The following EFNA5 variants were observed in gnomAD, a reference collection of about 807,000 sequenced individuals.
EFNA5 encodes the protein ephrin-A5.
Under a neutral mutation model 22.9 loss-of-function variants are expected in EFNA5, and 5 were observed. The observed-to-expected ratio is 0.22, with a 90% CI of 0.11 to 0.46. The LOEUF (loss-of-function observed/expected upper bound fraction) is 0.46. EFNA5 is among the 20% of genes least tolerant of loss of function. The probability of loss-of-function intolerance (pLI) is 0.99; values close to 1 mark genes in which losing one functional copy is unlikely to be tolerated. For synonymous variants in EFNA5, 113 were observed against 112.2 expected, an observed-to-expected ratio of 1.01 and a Z score of -0.04; for missense variants, 237 against 293.3, an observed-to-expected ratio of 0.81 and a Z score of 1.40.
At chr5:107,508,087 T>C (rs1747288968) in intron 1 of EFNA5, among the ~76,000 whole-genome samples, 1 of 152,154 alleles carries the variant, frequency 6.6e-6, no homozygotes, top group Non-Finnish European at 1.5e-5. Context: ...ACCCAAAAGT[T>C]TCTCCCATCA....
At chr5:107,581,739 G>A (rs978464407) in intron 1 of EFNA5, among the ~76,000 whole-genome samples, 1 of 152,182 alleles carries the variant, frequency 6.6e-6, no homozygotes, top group Non-Finnish European at 1.5e-5. Context: ...AATGGGAACA[G>A]GGAGTAGAAT....
At chr5:107,638,529 T>A (rs1412220985) in intron 1 of EFNA5, among the ~76,000 whole-genome samples, 1 of 152,084 alleles carries the variant, frequency 6.6e-6, no homozygotes, top group Non-Finnish European at 1.5e-5. Context: ...TTTAAAAAAG[T>A]AAGATATAAC....
At chr5:107,457,048 C>A (rs192152015) in intron 1 of EFNA5, among the ~76,000 whole-genome samples, 1 of 152,152 alleles carries the variant, frequency 6.6e-6, no homozygotes, top group Non-Finnish European at 1.5e-5. Context: ...CCAAGATTAG[C>A]TGGGCCCACA....
At chr5:107,609,464 G>A (rs1292003041) in intron 1 of EFNA5, among the ~76,000 whole-genome samples, 1 of 151,914 alleles carries the variant, frequency 6.6e-6, no homozygotes, top group Non-Finnish European at 1.5e-5. Flanking sequence ...TAACATTAGC[G>A]GCAGGAGTAG....
intron 1 of EFNA5, among the ~76,000 whole-genome samples, chr5:107,603,602 T>C (rs1280550267): frequency 6.6e-6 from 1 of 152,206 alleles, no homozygotes; most frequent in African/African-American, 2.4e-5. Flanking sequence ...TCCAACAACA[T>C]AAAAAACATT....
chr5:107,548,684 G>T (rs1337184463), intron 1 of EFNA5, among the ~76,000 whole-genome samples: 2 of 152,210 alleles, frequency 1.3e-5, no homozygotes, highest in Non-Finnish European at 2.9e-5. Flanking sequence ...CTGATGCTGA[G>T]TATCTGTTGT....
chr5:107,387,389 C>T, intron 3 of EFNA5, 74 bp from the exon 4 acceptor site: 1 of 997,100 alleles, frequency 1.0e-6, no homozygotes. Context: ...TTTCTTTTTT[C>T]TTTCTCTCCT....
At chr5:107,644,981 G>A (rs1030195257) in intron 1 of EFNA5, among the ~76,000 whole-genome samples, 11 of 152,168 alleles carry the variant, frequency 7.2e-5, no homozygotes, top group South Asian at 2.1e-4. Flanking sequence ...GATTACAGGC[G>A]TGAGCCACCA....
chr5:107,670,392 G>T, intron 1 of EFNA5, 97 bp downstream of exon 1: 1 of 1,405,022 alleles, frequency 7.1e-7, no homozygotes, highest in Non-Finnish European at 9.3e-7. Context: ...GAGGGTGCGC[G>T]CCGCCAGCGG....
At chr5:107,503,641 T>G (rs909535904) in intron 1 of EFNA5, among the ~76,000 whole-genome samples, 1 of 152,206 alleles carries the variant, frequency 6.6e-6, no homozygotes, top group Non-Finnish European at 1.5e-5. Context: ...TCATGAAGCT[T>G]TAAAAGTAAA....
chr5:107,537,722 T>A (rs925614174), intron 1 of EFNA5, among the ~76,000 whole-genome samples: 3 of 152,220 alleles, frequency 2.0e-5, no homozygotes, highest in Admixed American at 2.0e-4. Flanking sequence ...GAGTGCTTTT[T>A]TTAGCTCACA....
intron 1 of EFNA5, among the ~76,000 whole-genome samples, chr5:107,555,999 A>C (rs1561431827): frequency 6.6e-6 from 1 of 152,216 alleles, no homozygotes; most frequent in Admixed American, 6.5e-5. Flanking sequence ...GCTGCTGGAC[A>C]CATTCATGAT....
intron 1 of EFNA5, among the ~76,000 whole-genome samples, chr5:107,504,126 G>C (rs985331134): frequency 5.3e-5 from 8 of 152,084 alleles, no homozygotes; most frequent in Non-Finnish European, 1.0e-4. Context: ...AAGGAACTCT[G>C]CCATGCAGAG....
chr5:107,407,543 A>G (rs1054129702), intron 2 of EFNA5, among the ~76,000 whole-genome samples: 1 of 152,238 alleles, frequency 6.6e-6, no homozygotes, highest in African/African-American at 2.4e-5. Flanking sequence ...ACACTTATCA[A>G]AAGAAAAGAG....
chr5:107,656,206 A>AT (rs2112556684), intron 1 of EFNA5, among the ~76,000 whole-genome samples: 1 of 152,332 alleles, frequency 6.6e-6, no homozygotes, highest in South Asian at 2.1e-4. Flanking sequence ...AGAAGAAACA[A>AT]TATAGCAGAG....
chr5:107,563,948 T>C (rs958849660), intron 1 of EFNA5, among the ~76,000 whole-genome samples: 1 of 152,214 alleles, frequency 6.6e-6, no homozygotes, highest in African/African-American at 2.4e-5. Flanking sequence ...TACAAACAAC[T>C]TCTCAGTTTA....
intron 1 of EFNA5, among the ~76,000 whole-genome samples, chr5:107,589,487 C>T (rs1580545891): frequency 6.6e-6 from 1 of 152,316 alleles, no homozygotes; most frequent in Non-Finnish European, 1.5e-5. Flanking sequence ...CACACACACA[C>T]ACACCAACAA....
At chr5:107,449,053 A>G (rs1436368135) in intron 1 of EFNA5, among the ~76,000 whole-genome samples, 2 of 152,176 alleles carry the variant, frequency 1.3e-5, no homozygotes, top group Middle Eastern at 3.4e-3. Flanking sequence ...TTAAATAAAT[A>G]AATGAAAAAT....
At position 107,446,323 on chromosome 5, in the gene EFNA5, A is replaced by G. The variant is rs190971168; in HGVS notation, c.126-18814T>C. On this transcript the variant is annotated intron_variant, in intron 1 of 4. Coordinates refer to ENST00000333274, the MANE Select transcript of EFNA5 (RefSeq NM_001962.3). ...GGGTATTATTTTTACCACTAAAATG[A>G]ATTTTAATTATTTGAAAAGCATCCT... 1.2e-3 allele frequency among the ~76,000 whole-genome samples: 177 copies of G among 152,340 alleles called. 1 individual carries two copies. The highest frequency in any genetic ancestry group is 3.3e-3 in the African/African-American group (138 of 41,582).
Sources: gnomAD v4.1 joint callset for allele counts (sites outside exome capture counted in the v4.1 genomes callset) on GRCh38, gnomAD v4.1.1 for gene constraint, MANE v1.5 for transcripts, NCBI Gene and HGNC (gene_info 2026-07-23, HGNC 2026-07-21) for gene names.